Variants in SMARCA5 observed in about 807,000 individuals in gnomAD.
SMARCA5 encodes the protein SNF2 related chromatin remodeling ATPase 5, also known as SWI/SNF-related matrix-associated actin-dependent regulator of chromatin subfamily A member 5.
In SMARCA5, 18 loss-of-function variants were observed where a neutral mutation model predicts 140.4. The observed-to-expected ratio is 0.13, with a 90% CI of 0.09 to 0.19. The LOEUF is 0.19. SMARCA5 is among the 10% of genes least tolerant of loss of function. The pLI, the probability that SMARCA5 is intolerant of heterozygous loss-of-function variation, is 1.00. For synonymous variants in SMARCA5, 449 were observed against 419.6 expected (o/e 1.07, Z -0.86); for missense variants, 606 against 1,276.8 (o/e 0.47, Z 8.01).
intron 14 of SMARCA5, among the ~76,000 whole-genome samples, chr4:143,542,528 A>G (rs1578802851): frequency 6.6e-6 from 1 of 152,208 alleles, no homozygotes; most frequent in Non-Finnish European, 1.5e-5. Flanking sequence ...TTACAAAGTC[A>G]TGGATGTTTG....
Position 143,548,052 on chromosome 4 carries a change from A to C in SMARCA5, c.2897A>C (p.Lys966Thr). Residue 966 changes from lysine (K) to threonine (T), a missense_variant, in exon 22 of 24, where the codon AAA (lysine) becomes ACA (threonine). By Grantham distance (78) the Lys-to-Thr change is moderately conservative. Around this residue, in one of 10 missense-constraint regions of SMARCA5, gnomAD observed 121 missense variants for 227.1 expected, o/e 0.53. Coordinates refer to ENST00000283131, the MANE Select transcript of SMARCA5 (RefSeq NM_003601.4). ...ICMLHKLGFD[K>T]ENVYDELRQC... ...ATGCTTCACAAACTTGGATTTGACA[A>C]AGAAAATGTTTATGATGAATTGCGA... is the stretch of plus-strand genomic sequence containing the variant. 1 of 1,612,976 alleles carries C rather than the reference A, an allele frequency of 6.2e-7. No homozygotes were observed. The highest frequency in any genetic ancestry group is 2.2e-5 in the East Asian group (1 of 44,844).
In SMARCA5 at chr4:143,555,467, A is replaced by G; in HGVS notation, c.*2283A>G. On this transcript the variant is annotated 3_prime_UTR_variant, in exon 24 of 24. Coordinates refer to ENST00000283131, the MANE Select transcript of SMARCA5 (RefSeq NM_003601.4). Reference sequence around the variant, plus strand: ...AATAGTTTCTGTTCTGTGGAAAGTAAAGCATTCCAACACAGGGTTTCAGTG... The same window carrying G: ...AATAGTTTCTGTTCTGTGGAAAGTAGAGCATTCCAACACAGGGTTTCAGTG... 1 of 529,574 alleles carries G rather than the reference A, an allele frequency of 1.9e-6. No individual in the cohort carries two copies. The highest frequency in any genetic ancestry group is 3.5e-6 in the Non-Finnish European group (1 of 286,794). The allele number at this position is 529,574 out of a possible 1,614,324, so 32.8% of individuals were successfully genotyped here.
At chr4:143,535,894 C>T (rs1737291784) in intron 10 of SMARCA5, among the ~76,000 whole-genome samples, 1 of 152,104 alleles carries the variant, frequency 6.6e-6, no homozygotes, top group African/African-American at 2.4e-5. Flanking sequence ...GCTGTAGCTT[C>T]ACAGTCCTGC....
chr4:143,519,605 A>T (rs563294185), intron 2 of SMARCA5, among the ~76,000 whole-genome samples: 2 of 151,964 alleles, frequency 1.3e-5, no homozygotes, highest in African/African-American at 4.8e-5. Context: ...CTTTTTTGAC[A>T]TCATGATCTT....
Position 143,536,344 on chromosome 4 carries a change from C to T in SMARCA5, c.1269-108C>T, listed in dbSNP as rs1264882279. 1.2e-5 allele frequency: 9 copies of T among 724,770 alleles called. No homozygotes were observed. In the Admixed American group the frequency reaches 2.1e-4, roughly 17 times the overall value. The allele number at this position is 724,770 out of a possible 1,614,324, so 44.9% of individuals were successfully genotyped here. On this transcript the variant is annotated intron_variant, in intron 10 of 23. Coordinates refer to ENST00000283131, the MANE Select transcript of SMARCA5 (RefSeq NM_003601.4). Reference sequence around the variant, plus strand: ...ATACCTAGAAGTTGATGAGTAGTTTCTTACAGATATTTGGGGGTTCATGTG... The same window carrying T: ...ATACCTAGAAGTTGATGAGTAGTTTTTTACAGATATTTGGGGGTTCATGTG...
rs570364771 is a variant in SMARCA5 at position 143,539,027 on chromosome 4, A to G, written c.1770+89A>G. Reference sequence around the variant, plus strand: ...TCTACAAATATCAGTGACTTAACCCAATAGAATTTTATTTTTCTCTAATCT... The same window carrying G: ...TCTACAAATATCAGTGACTTAACCCGATAGAATTTTATTTTTCTCTAATCT... On this transcript the variant is annotated intron_variant, in intron 13 of 23. Coordinates refer to ENST00000283131, the MANE Select transcript of SMARCA5 (RefSeq NM_003601.4). 6.5e-4 allele frequency: 744 copies of G among 1,143,462 alleles called. 11 individuals carry two copies. In the South Asian group the frequency reaches 9.2e-3, roughly 14 times the overall value. 70.8% of individuals were successfully genotyped at this position (1,143,462 alleles called of 1,614,324 possible).
At chr4:143,532,688 C>G (rs1305149664) in intron 9 of SMARCA5, among the ~76,000 whole-genome samples, 1 of 151,288 alleles carries the variant, frequency 6.6e-6, no homozygotes, top group Non-Finnish European at 1.5e-5. Context: ...CTCCACCCCC[C>G]AAAAACACCT....
intron 5 of SMARCA5, 35 bp downstream of exon 5, chr4:143,525,586 T>G (rs1361385982): frequency 3.0e-6 from 4 of 1,355,310 alleles, no homozygotes; most frequent in Non-Finnish European, 2.1e-6. Context: ...AGGGTATGTT[T>G]TGTATTGAAA....
chr4:143,528,829 A>T, intron 8 of SMARCA5, 115 bp downstream of exon 8: 4 of 866,870 alleles, frequency 4.6e-6, no homozygotes, highest in Non-Finnish European at 6.7e-6. Flanking sequence ...TTAATTTTTT[A>T]TGCTTTTATT....
Position 143,513,744 on chromosome 4 carries a change from G to T in SMARCA5, c.-181G>T. On this transcript the variant is annotated 5_prime_UTR_variant, in exon 1 of 24. Coordinates refer to ENST00000283131, the MANE Select transcript of SMARCA5 (RefSeq NM_003601.4). ...CCCCGCGGAAGAGCAGAACGTTTGG[G>T]AGTGTGCAGCTCCTGGGCCCGGCTC... The T allele has an allele frequency of 3.1e-6, 2 of 637,800 alleles. No individual in the cohort carries two copies. Among genetic ancestry groups the T allele is most frequent in the Non-Finnish European group, 5.3e-6 (2 of 378,752 alleles). 39.5% of individuals were successfully genotyped at this position (637,800 alleles called of 1,614,324 possible).
intron 9 of SMARCA5, among the ~76,000 whole-genome samples, chr4:143,532,667 C>A (rs1737214841): frequency 6.6e-6 from 1 of 151,954 alleles, no homozygotes; most frequent in South Asian, 2.1e-4. Context: ...TGCAAAAGAA[C>A]CCCTTATTCC....
At chr4:143,528,413 A>G (rs1737117378) in intron 7 of SMARCA5, among the ~76,000 whole-genome samples, 170 bp from the exon 8 acceptor site, 1 of 152,204 alleles carries the variant, frequency 6.6e-6, no homozygotes. Flanking sequence ...TGCAGAGGAT[A>G]TAAACTCATT....
rs1429485916 is a variant in SMARCA5 at position 143,517,383 on chromosome 4, A to G, written c.206A>G (p.Lys69Arg). 10 of 1,610,608 alleles carry G rather than the reference A, an allele frequency of 6.2e-6. No homozygotes were observed. The highest frequency in any genetic ancestry group is 1.1e-5 in the South Asian group (1 of 90,542). Reference protein sequence around the residue: ...EEIFDDASPGKQKEIQEPDPT... With the variant: ...EEIFDDASPGRQKEIQEPDPT... ...ATATTTGATGATGCGTCACCTGGAAAGCAAAAGGAAATCCAAGAACCAGAT... is the reference window on the plus strand; with the variant it reads ...ATATTTGATGATGCGTCACCTGGAAGGCAAAAGGAAATCCAAGAACCAGAT... Residue 69 changes from lysine (K) to arginine (R), a missense_variant, in exon 2 of 24, where the codon AAG becomes AGG. Coordinates refer to ENST00000283131, the MANE Select transcript of SMARCA5 (RefSeq NM_003601.4).
chr4:143,552,880 G>A (rs1207872193), intron 23 of SMARCA5, among the ~76,000 whole-genome samples: 3 of 151,766 alleles, frequency 2.0e-5, no homozygotes, highest in African/African-American at 7.3e-5. Context: ...TGTTAATTGT[G>A]CATTAGTTTT....
chr4:143,530,218 CT>C (rs1737158152), intron 8 of SMARCA5, among the ~76,000 whole-genome samples: 1 of 152,156 alleles, frequency 6.6e-6, no homozygotes, highest in Admixed American at 6.5e-5. Context: ...CAACTTTTTA[CT>C]GTGAAACTTG....
In SMARCA5 at chr4:143,521,520, C is replaced by T. The variant is rs1484928787; in HGVS notation, c.344C>T (p.Thr115Ile). Reference sequence around the variant, plus strand: ...CAACCTGCTGCTCAGAAGACTCCAACTTCACCTTTGAAGATGAAACCAGGG... The same window carrying T: ...CAACCTGCTGCTCAGAAGACTCCAATTTCACCTTTGAAGATGAAACCAGGG... ...FIQPAAQKTP[T>I]SPLKMKPGRP... Residue 115 changes from threonine (T) to isoleucine (I), a missense_variant, in exon 3 of 24, where the codon ACT becomes ATT. Thr to Ile is a moderately conservative substitution (Grantham distance 89). Coordinates refer to ENST00000283131, the MANE Select transcript of SMARCA5 (RefSeq NM_003601.4). The T allele has an allele frequency of 1.9e-6, 3 of 1,613,676 alleles. No homozygotes were observed. The highest frequency in any genetic ancestry group is 2.5e-6 in the Non-Finnish European group (3 of 1,179,762).
chr4:143,524,679 G>A (rs376003815), intron 4 of SMARCA5, among the ~76,000 whole-genome samples: 1 of 152,154 alleles, frequency 6.6e-6, no homozygotes, highest in Non-Finnish European at 1.5e-5. Context: ...AAATGTCATT[G>A]TGTTTGTTAT....
chr4:143,545,687 A>G (rs1737510831), intron 18 of SMARCA5, 104 bp downstream of exon 18: 4 of 807,370 alleles, frequency 5.0e-6, no homozygotes, highest in South Asian at 1.7e-5. Flanking sequence ...GTGTGAAACA[A>G]TACTGCTTTA....
At position 143,553,392 on chromosome 4, in the gene SMARCA5, A is replaced by G; in HGVS notation, c.*208A>G. The G allele has an allele frequency of 2.3e-6, 1 of 443,572 alleles. No individual in the cohort carries two copies. Among genetic ancestry groups the G allele is most frequent in the Non-Finnish European group, 4.1e-6 (1 of 246,754 alleles). 27.5% of individuals were successfully genotyped at this position (443,572 alleles called of 1,614,324 possible). ...TTTTTTTATCATTAACACTTGAAGT[A>G]ATAAAATAGGCTTCATTTATTACTA... On this transcript the variant is annotated 3_prime_UTR_variant, in exon 24 of 24. Coordinates refer to ENST00000283131, the MANE Select transcript of SMARCA5 (RefSeq NM_003601.4).
Sources: gnomAD v4.1 joint callset for allele counts (sites outside exome capture counted in the v4.1 genomes callset) on GRCh38, gnomAD v4.1.1 for gene constraint, gnomAD v4.1.1 regional missense constraint, MANE v1.5 for transcripts, NCBI Gene and HGNC (gene_info 2026-07-23, HGNC 2026-07-21) for gene names.